The following FBN3 variants were observed in gnomAD, a reference collection of about 807,000 sequenced individuals.
FBN3 encodes the protein fibrillin 3, also known as fibrillin-3.
Under a neutral mutation model 330.1 loss-of-function variants are expected in FBN3, and 234 were observed. The ratio of observed to expected loss-of-function variants is 0.71; its 90% CI spans 0.64 to 0.79. FBN3 has a LOEUF of 0.79. Ranked by LOEUF, FBN3 falls within the 30% of genes least tolerant of loss-of-function variation. FBN3 has a pLI of 0.00. For synonymous variants in FBN3, 1,458 were observed against 1,517.3 expected, an observed-to-expected ratio of 0.96 and a Z score of 0.91; for missense variants, 3,606 against 3,886.9, an observed-to-expected ratio of 0.93 and a Z score of 1.92.
In FBN3 at chr19:8,087,220, G is replaced by T; in HGVS notation, c.6620-9C>A. On this transcript the variant is annotated splice_polypyrimidine_tract_variant and intron_variant, in intron 53 of 63. Coordinates refer to ENST00000600128, the MANE Select transcript of FBN3 (RefSeq NM_032447.5). Reference sequence around the variant, plus strand: ...TGCACACTCGTCCACATCTTCGGATGACCAGAGACAGATGGTCAGTCAAGG... The same window carrying T: ...TGCACACTCGTCCACATCTTCGGATTACCAGAGACAGATGGTCAGTCAAGG... 1 of 1,575,728 alleles carries T rather than the reference G, an allele frequency of 6.3e-7. No homozygotes were observed. The highest frequency in any genetic ancestry group is 1.1e-5 in the South Asian group (1 of 87,582).
rs772366972 is a variant in FBN3 at position 8,072,130 on chromosome 19, G to T, written c.8006C>A (p.Ser2669Ter). 6.2e-7 allele frequency: 1 copy of T among 1,609,586 alleles called. No homozygotes were observed. Among genetic ancestry groups the T allele is most frequent in the Non-Finnish European group, 8.5e-7 (1 of 1,178,360 alleles). Residue 2669 changes from serine to a stop codon, truncating the protein, a stop_gained, in exon 63 of 64, where the codon TCG (serine) becomes TAG (stop). Coordinates refer to ENST00000600128, the MANE Select transcript of FBN3 (RefSeq NM_032447.5). LOFTEE classifies it high-confidence loss of function. ...QDTPDKEELL[S>*]SEACYECKIN... ...CTTGCATTCGTAGCAGGCTTCAGACGAGAGCAGCTCCTCTTTGTCCGGGGT... is the reference window on the plus strand; with the variant it reads ...CTTGCATTCGTAGCAGGCTTCAGACTAGAGCAGCTCCTCTTTGTCCGGGGT...
At chr19:8,148,079 G>C (rs2083593079) in intron 1 of FBN3, among the ~76,000 whole-genome samples, 1 of 151,930 alleles carries the variant, frequency 6.6e-6, no homozygotes, top group Non-Finnish European at 1.5e-5. Flanking sequence ...GAGCGTCCAG[G>C]GTAGGAGGAA....
chr19:8,091,568 C>A lies in FBN3; in HGVS notation c.5928G>T (p.Glu1976Asp). Residue 1976 changes from glutamate to aspartate, a missense_variant, in exon 48 of 64, where the codon GAG becomes GAT. Coordinates refer to ENST00000600128, the MANE Select transcript of FBN3 (RefSeq NM_032447.5). The part of the protein sequence containing the change: ...HCIDIDECSE[E>D]PNLCLFGTCT... ...AGGTGCCAAAGAGGCAGAGGTTGGGCTCCTCTGAGCACTCGTCGATATCTG... is the reference window on the plus strand; with the variant it reads ...AGGTGCCAAAGAGGCAGAGGTTGGGATCCTCTGAGCACTCGTCGATATCTG... 3.7e-6 allele frequency: 6 copies of A among 1,614,076 alleles called. No homozygotes were observed. Among genetic ancestry groups the A allele is most frequent in the East Asian group, 2.2e-5 (1 of 44,878 alleles).
rs752880796 is a variant in FBN3, at chr19:8,096,598, A to AG, written c.5414-30dup. The AG allele has an allele frequency of 6.3e-7, 1 of 1,588,530 alleles. No homozygotes were observed. Among genetic ancestry groups the AG allele is most frequent in the East Asian group, 2.2e-5 (1 of 44,600 alleles). On this transcript the variant is annotated intron_variant, in intron 43 of 63. Transcript: ENST00000600128. This position sits in a 1 kb window ranked among gnomAD's most constrained non-coding sequence, Gnocchi z 4.6. ...GGGGTGCAGAGAGCATGGTGTTCCC[A>AG]GGGCTCCTACCACAGTGTTTGCCTG...
Position 8,126,696 on chromosome 19 carries a change from G to A in FBN3, c.2416+17C>T. ...CGCCCAGCCTCTGGAACGCCGTCGG[G>A]CTCCGGGGCCGCTCACCTAGACAGA... On this transcript the variant is annotated intron_variant, in intron 19 of 63. Transcript: ENST00000600128. The A allele has an allele frequency of 1.3e-6, 2 of 1,582,146 alleles. No homozygotes were observed. Among genetic ancestry groups the A allele is most frequent in the Non-Finnish European group, 8.6e-7 (1 of 1,162,230 alleles).
rs374201818 is a variant in FBN3 at position 8,141,236 on chromosome 19, G to A, written c.865+481C>T. On this transcript the variant is annotated intron_variant, in intron 8 of 63. Coordinates refer to ENST00000600128, the MANE Select transcript of FBN3 (RefSeq NM_032447.5). Reference sequence around the variant, plus strand: ...AAAAAAATTAGCTAGGCGTGGTGGCGTGCGCCTGTACTCCCAGCTACTTGG... The same window carrying A: ...AAAAAAATTAGCTAGGCGTGGTGGCATGCGCCTGTACTCCCAGCTACTTGG... Among the ~76,000 whole-genome samples, 969 of 149,662 alleles carry A rather than the reference G, an allele frequency of 6.5e-3. 8 individuals carry two copies. Among genetic ancestry groups the A allele is most frequent in the African/African-American group, 0.022 (904 of 40,582 alleles).
chr19:8,087,837 C>T lies in FBN3; in HGVS notation c.6607G>A (p.Ala2203Thr). 2 of 1,613,880 alleles carry T rather than the reference C, an allele frequency of 1.2e-6. No individual in the cohort carries two copies. The highest frequency in any genetic ancestry group is 1.7e-6 in the Non-Finnish European group (2 of 1,179,862). ...PAGYTLREDG[A>T]MCRDVDECAD... ...TAGTCAGGCCTACCTCGACACATGG[C>T]CCCATCCTCCCGCAGGGTGTAGCCG... The change falls in exon 53 of 64, where the codon GCC becomes ACC. Residue 2203 changes from alanine (A) to threonine (T), a missense_variant. Physicochemically the swap from Ala to Thr is moderately conservative, Grantham distance 58. Coordinates refer to ENST00000600128, the MANE Select transcript of FBN3 (RefSeq NM_032447.5).
At chr19:8,135,935 T>TTGGGGGGGGGGGGGGGGGGGGGGGCGGG in intron 13 of FBN3, 26 bp downstream of exon 13, 4 of 1,344,156 alleles carry the variant, frequency 3.0e-6, no homozygotes, top group Non-Finnish European at 4.0e-6. Context: ...CGGAAGCCCC[T>TTGGGGGGGGGGGGGGGGGGGGGGGCGGG]GCCCACCCGC....
At chr19:8,141,512 G>T (rs961257411) in intron 8 of FBN3, among the ~76,000 whole-genome samples, 1 of 152,272 alleles carries the variant, frequency 6.6e-6, no homozygotes, top group South Asian at 2.1e-4. Flanking sequence ...AGGTGCACAC[G>T]TAGCTCCCGA....
chr19:8,108,057 A>C, intron 37 of FBN3, 113 bp downstream of exon 37: 1 of 807,656 alleles, frequency 1.2e-6, no homozygotes, highest in Non-Finnish European at 2.0e-6. Context: ...AGGTGGAAAG[A>C]TCTGCCCCAT....
intron 13 of FBN3, among the ~76,000 whole-genome samples, chr19:8,134,960 A>T (rs1389849896): frequency 1.4e-5 from 2 of 148,144 alleles, no homozygotes; most frequent in African/African-American, 4.9e-5. Context: ...AATAAATATA[A>T]ATATATATAT....
At chr19:8,070,009 C>G (rs773624694) in intron 63 of FBN3, among the ~76,000 whole-genome samples, 7 of 152,248 alleles carry the variant, frequency 4.6e-5, no homozygotes, top group Non-Finnish European at 7.3e-5. Flanking sequence ...CAACCACTCA[C>G]TCACTCTTAT....
intron 57 of FBN3, among the ~76,000 whole-genome samples, chr19:8,082,992 T>A (rs566727332): frequency 6.6e-6 from 1 of 152,166 alleles, no homozygotes; most frequent in Admixed American, 6.6e-5. Flanking sequence ...TAATTTTTTT[T>A]AGCGATGGGG....
rs1348043898 is a variant in FBN3 at position 8,081,405 on chromosome 19, C to T, written c.7289G>A (p.Ser2430Asn). 3 of 1,612,444 alleles carry T rather than the reference C, an allele frequency of 1.9e-6. No individual in the cohort carries two copies. The South Asian group carries it at 3.3e-5, about 18-fold the overall frequency. Residue 2430 changes from serine to asparagine, a missense_variant, in exon 58 of 64, where the codon AGC (serine) becomes AAC (asparagine). By Grantham distance (46) the Ser-to-Asn change is conservative. Transcript: ENST00000600128. ...CTCCAGCAGGTAGCCTCGGGGACAG[C>T]TGCACAGGAAACTGCCCTTCGTGTT... ...CKNTKGSFLC[S>N]CPRGYLLEED...
chr19:8,123,859 CCA>C lies in FBN3; in HGVS notation c.2879_2880del (p.Leu960ArgfsTer25), dbSNP rs1267724297. 1.2e-6 allele frequency: 2 copies of C among 1,613,034 alleles called. No individual in the cohort carries two copies. The highest frequency in any genetic ancestry group is 1.7e-4 in the Middle Eastern group (1 of 6,060). ...ECEACPDPES[L>X]EFASLCPRGL... The stretch of plus-strand genomic sequence containing the variant: ...CCCCGCGGGCACAGGCTGGCGAACT[CCA>C]GAGACTCGGGATCCGGGCAGGCCTC... On this transcript the variant is annotated frameshift_variant, in exon 23 of 64. Transcript: ENST00000600128. LOFTEE classifies it high-confidence loss of function.
Position 8,087,174 on chromosome 19 carries a change from G to A in FBN3, c.6657C>T (p.His2219=), listed in dbSNP as rs114392304. 1,374 of 1,606,586 alleles carry A rather than the reference G, an allele frequency of 8.6e-4. 3 individuals carry two copies. In the African/African-American group the frequency reaches 0.01, roughly 12 times the overall value. The part of the protein sequence containing the change: ...DECADGQQDC[H]ARGMECKNLI... Reference sequence around the variant, plus strand: ...GGTTCTTGCACTCCATGCCCCGGGCGTGGCAGTCCTGCTGACCATCTGCAC... The same window carrying A: ...GGTTCTTGCACTCCATGCCCCGGGCATGGCAGTCCTGCTGACCATCTGCAC... Residue 2219 remains histidine, a synonymous_variant, in exon 54 of 64, where the codon CAC becomes CAT. Coordinates refer to ENST00000600128, the MANE Select transcript of FBN3 (RefSeq NM_032447.5).
intron 13 of FBN3, among the ~76,000 whole-genome samples, chr19:8,135,438 C>T (rs970026850): frequency 5.9e-5 from 9 of 151,678 alleles, no homozygotes; most frequent in African/African-American, 2.2e-4. Context: ...CCACCACGCC[C>T]AGCTAATTTT....
chr19:8,076,737 A>G (rs2081651498), intron 59 of FBN3, among the ~76,000 whole-genome samples: 1 of 151,998 alleles, frequency 6.6e-6, no homozygotes, highest in African/African-American at 2.4e-5. Flanking sequence ...CTTGGTGTGG[A>G]TTTGCTCTGC....
At chr19:8,139,828 C>G (rs1428227976) in intron 8 of FBN3, among the ~76,000 whole-genome samples, 1 of 151,750 alleles carries the variant, frequency 6.6e-6, no homozygotes, top group Non-Finnish European at 1.5e-5. Flanking sequence ...GGCTGGTGGC[C>G]CACAGTTTAA....
Sources: gnomAD v4.1 joint callset for allele counts (sites outside exome capture counted in the v4.1 genomes callset) on GRCh38, gnomAD v4.1.1 for gene constraint, Gnocchi (gnomAD v3.1) non-coding constraint, MANE v1.5 for transcripts, NCBI Gene and HGNC (gene_info 2026-07-23, HGNC 2026-07-21) for gene names.